Variants in AGAP1 observed in about 807,000 individuals in gnomAD.
The protein encoded by AGAP1 is arf-GAP with GTPase, ANK repeat and PH domain-containing protein 1.
Under a neutral mutation model 105.3 loss-of-function variants are expected in AGAP1, and 29 were observed. The ratio of observed to expected loss-of-function variants is 0.28; its 90% confidence interval spans 0.21 to 0.38. The LOEUF is 0.38. Ranked by LOEUF, AGAP1 falls within the 10% of genes least tolerant of loss-of-function variation. The pLI, the probability that AGAP1 is intolerant of heterozygous loss-of-function variation, is 1.00. For missense variants in AGAP1, 998 were observed against 1,165.1 expected, an observed-to-expected ratio of 0.86 and a Z score of 2.09; for synonymous variants, 509 against 485.9, an observed-to-expected ratio of 1.05 and a Z score of -0.63.
At chr2:235,630,928 G>A (rs886169727) in intron 1 of AGAP1, among the ~76,000 whole-genome samples, 1 of 152,176 alleles carries the variant, frequency 6.6e-6, no homozygotes, top group Non-Finnish European at 1.5e-5. Flanking sequence ...ACAGCCAGCC[G>A]CAGCCCGATC....
Position 235,904,448 on chromosome 2 carries a change from T to G in AGAP1, c.1156-4290T>G, listed in dbSNP as rs929112294. Among the ~76,000 whole-genome samples, 3 of 152,170 alleles carry G rather than the reference T, an allele frequency of 2.0e-5. No individual in the cohort carries two copies. The highest frequency in any genetic ancestry group is 1.3e-4 in the Admixed American group (2 of 15,286). ...GTTGAGGGGCAGGAGATGGCACCTC[T>G]GGGGGGCCTGGCTCTTGAGTGGGCC... On this transcript the variant is annotated intron_variant, in intron 10 of 17. Coordinates refer to ENST00000304032, the MANE Select transcript of AGAP1 (RefSeq NM_001037131.3). This position sits in a 1 kb window ranked among gnomAD's most constrained non-coding sequence, Gnocchi z 4.2.
chr2:236,079,340 G>C (rs2058721222), intron 16 of AGAP1, among the ~76,000 whole-genome samples: 1 of 148,096 alleles, frequency 6.8e-6, no homozygotes, highest in Non-Finnish European at 1.5e-5. Flanking sequence ...GCAGCATAGT[G>C]AGACTCTGTC....
At chr2:235,534,179 C>T (rs182498726) in intron 1 of AGAP1, among the ~76,000 whole-genome samples, 9 of 152,306 alleles carry the variant, frequency 5.9e-5, no homozygotes, top group South Asian at 2.1e-4. Context: ...CTGCCGACCC[C>T]GGTGGCTCAG....
chr2:236,010,468 T>G (rs2056472536), intron 13 of AGAP1, among the ~76,000 whole-genome samples: 2 of 152,220 alleles, frequency 1.3e-5, no homozygotes, highest in South Asian at 4.1e-4. Flanking sequence ...GTTCTGTGAA[T>G]TAAAGTTTCT....
chr2:235,686,373 G>A (rs1005628880), intron 1 of AGAP1, among the ~76,000 whole-genome samples: 2 of 151,796 alleles, frequency 1.3e-5, no homozygotes, highest in Non-Finnish European at 2.9e-5. Context: ...GGTTTGGGAA[G>A]GCAGAGCTTC....
chr2:235,811,852 G>A (rs1441158677), intron 9 of AGAP1, among the ~76,000 whole-genome samples: 2 of 152,224 alleles, frequency 1.3e-5, no homozygotes, highest in African/African-American at 2.4e-5. Context: ...CATTGCCTAC[G>A]ACTTTCAGAA....
rs1481731329 is a variant in AGAP1, at chr2:235,845,156, C to G, written c.1050+37825C>G. Among the ~76,000 whole-genome samples the G allele has an allele frequency of 2.6e-5, 4 of 152,140 alleles. No individual in the cohort carries two copies. Among genetic ancestry groups the G allele is most frequent in the African/African-American group, 9.7e-5 (4 of 41,424 alleles). ...CAGAGAACTGTAGATGGGGCTGAAG[C>G]TTAGTCCCAAGAGCCACACATGTCA... On this transcript the variant is annotated intron_variant, in intron 9 of 17. Coordinates refer to ENST00000304032, the MANE Select transcript of AGAP1 (RefSeq NM_001037131.3). This position sits in a 1 kb window ranked among gnomAD's most constrained non-coding sequence, Gnocchi z 4.8.
rs190925731 is a variant in AGAP1 at position 235,629,162 on chromosome 2, T to C, written c.164-80017T>C. 2.9e-4 allele frequency among the ~76,000 whole-genome samples: 44 copies of C among 152,232 alleles called. 2 individuals are homozygous for C. The East Asian group carries it at 7.2e-3, about 25-fold the overall frequency. ...TCCCACCTATCCGTGAGAACAACAATGTTTGGTTTTCCATTCCTGAGTTAC... is the reference window on the plus strand; with the variant it reads ...TCCCACCTATCCGTGAGAACAACAACGTTTGGTTTTCCATTCCTGAGTTAC... On this transcript the variant is annotated intron_variant, in intron 1 of 17. Coordinates refer to ENST00000304032, the MANE Select transcript of AGAP1 (RefSeq NM_001037131.3).
Position 235,741,405 on chromosome 2 carries a change from CT to C in AGAP1, c.396+358del, listed in dbSNP as rs1330243564. ...GGCCTTTTCCTTTGAGTGGTTTGAT[CT>C]CTAGAGCAGTGAGAGTTAGAGAGCT... On this transcript the variant is annotated intron_variant, in intron 4 of 17. Coordinates refer to ENST00000304032, the MANE Select transcript of AGAP1 (RefSeq NM_001037131.3). This position sits in a 1 kb window ranked among gnomAD's most constrained non-coding sequence, Gnocchi z 4.9. 1.3e-5 allele frequency among the ~76,000 whole-genome samples: 2 copies of C among 152,180 alleles called. No homozygotes were observed. The highest frequency in any genetic ancestry group is 4.8e-5 in the African/African-American group (2 of 41,456).
At position 235,738,559 on chromosome 2, in the gene AGAP1, C is replaced by CT. The variant is rs1289839563; in HGVS notation, c.311-2401dup. Among the ~76,000 whole-genome samples, 183 of 150,452 alleles carry CT rather than the reference C, an allele frequency of 1.2e-3. 1 individual carries two copies. The highest frequency in any genetic ancestry group is 3.9e-3 in the African/African-American group (158 of 40,592). The stretch of plus-strand genomic sequence containing the variant: ...AAATGTTATTTTTCTTTCTTTCTTT[C>CT]TTTCTTTTTTTTTTTTGAGACACAG... On this transcript the variant is annotated intron_variant, in intron 3 of 17. Transcript: ENST00000304032.
In AGAP1 at chr2:235,635,328, C is replaced by T. The variant is rs144783581; in HGVS notation, c.164-73851C>T. Among the ~76,000 whole-genome samples, 4 of 152,296 alleles carry T rather than the reference C, an allele frequency of 2.6e-5. No homozygotes were observed. The highest frequency in any genetic ancestry group is 5.9e-5 in the Non-Finnish European group (4 of 68,032). ...GAAGCACTCCCGTGAGTGAGCTGCG[C>T]ACAGTCTCCTTGTACAAGCAGGACA... On this transcript the variant is annotated intron_variant, in intron 1 of 17. Coordinates refer to ENST00000304032, the MANE Select transcript of AGAP1 (RefSeq NM_001037131.3). This position sits in a 1 kb window ranked among gnomAD's most constrained non-coding sequence, Gnocchi z 5.3.
chr2:235,640,659 C>G (rs1056129972), intron 1 of AGAP1, among the ~76,000 whole-genome samples: 1 of 152,142 alleles, frequency 6.6e-6, no homozygotes, highest in African/African-American at 2.4e-5. Flanking sequence ...CTCTCTAGCC[C>G]CTGTGTCTGC....
intron 1 of AGAP1, among the ~76,000 whole-genome samples, chr2:235,683,699 CT>C (rs1269926439): frequency 2.4e-3 from 353 of 145,468 alleles, no homozygotes; most frequent in African/African-American, 5.8e-3. Context: ...CTCTCTCTCT[CT>C]TTTTTTTTTT....
chr2:235,833,517 T>A (rs373371566), intron 9 of AGAP1, among the ~76,000 whole-genome samples: 2 of 151,266 alleles, frequency 1.3e-5, no homozygotes, highest in African/African-American at 4.9e-5. Context: ...GCCCTCATGC[T>A]CACCTTGACT....
At chr2:235,594,714 G>C (rs1000068505) in intron 1 of AGAP1, among the ~76,000 whole-genome samples, 4 of 151,842 alleles carry the variant, frequency 2.6e-5, no homozygotes, top group Admixed American at 1.3e-4. Context: ...AGGGATTACA[G>C]ATGCATGCCA....
rs76949006 is a variant in AGAP1, at chr2:236,114,728, T to A, written c.2115-5464T>A. Among the ~76,000 whole-genome samples, 514 of 152,320 alleles carry A rather than the reference T, an allele frequency of 3.4e-3. 2 individuals carry two copies. Among genetic ancestry groups the A allele is most frequent in the South Asian group, 8.3e-3 (40 of 4,826 alleles). ...TTAGGGCTCTATCTTTATAGCATCA[T>A]TTAACCTTAATTCTCTTCCTGAAGA... On this transcript the variant is annotated intron_variant, in intron 16 of 17. Coordinates refer to ENST00000304032, the MANE Select transcript of AGAP1 (RefSeq NM_001037131.3). The surrounding 1 kb of genome is among the most constrained non-coding windows in gnomAD (Gnocchi z 5.0).
Position 235,882,602 on chromosome 2 carries a change from TA to T in AGAP1, c.1051-742del, listed in dbSNP as rs1162350577. On this transcript the variant is annotated intron_variant, in intron 9 of 17. Coordinates refer to ENST00000304032, the MANE Select transcript of AGAP1 (RefSeq NM_001037131.3). The surrounding 1 kb of genome is among the most constrained non-coding windows in gnomAD (Gnocchi z 4.6). ...CTCAGCCTCCCCGAGTAGCTGGGAT[TA>T]TAGGTGCCCACCACTGCGTCCAGCT... 4.1e-5 allele frequency: 19 copies of T among 459,814 alleles called. No individual in the cohort carries two copies. The highest frequency in any genetic ancestry group is 7.6e-5 in the Non-Finnish European group (19 of 249,596). The allele number at this position is 459,814 out of a possible 1,614,324, so 28.5% of individuals were successfully genotyped here. A position where few individuals can be genotyped will look rare whatever the true frequency, so the allele number is the denominator to read the frequency against.
At chr2:235,543,135 G>A (rs1296108839) in intron 1 of AGAP1, among the ~76,000 whole-genome samples, 1 of 133,352 alleles carries the variant, frequency 7.5e-6, no homozygotes, top group Non-Finnish European at 1.8e-5. Context: ...TGGGTGTTGG[G>A]TGTTGGGTGT....
At position 235,901,776 on chromosome 2, in the gene AGAP1, G is replaced by C. The variant is rs1473811608; in HGVS notation, c.1156-6962G>C. On this transcript the variant is annotated intron_variant, in intron 10 of 17. Coordinates refer to ENST00000304032, the MANE Select transcript of AGAP1 (RefSeq NM_001037131.3). This position sits in a 1 kb window ranked among gnomAD's most constrained non-coding sequence, Gnocchi z 4.3. ...TGCCTGTAATCCCAGCTACTCAGGA[G>C]GCTGAGGCAGTAGAATCACTTGAAC... Among the ~76,000 whole-genome samples the C allele has an allele frequency of 2.0e-5, 3 of 152,050 alleles. No individual in the cohort carries two copies. Among genetic ancestry groups the C allele is most frequent in the Non-Finnish European group, 4.4e-5 (3 of 68,022 alleles).
Sources: gnomAD v4.1 joint callset for allele counts (sites outside exome capture counted in the v4.1 genomes callset) on GRCh38, gnomAD v4.1.1 for gene constraint, Gnocchi (gnomAD v3.1) non-coding constraint, MANE v1.5 for transcripts, NCBI Gene and HGNC (gene_info 2026-07-23, HGNC 2026-07-21) for gene names.